KRT81: variants seen among roughly 807,000 people sequenced by gnomAD.
KRT81 encodes the protein keratin, type II cuticular Hb1.
KRT81 carries 35 observed loss-of-function variants against 35.8 expected under a neutral mutation model. The ratio of observed to expected loss-of-function variants is 0.98; its 90% CI spans 0.75 to 1.30. The LOEUF is 1.30. Ranked by LOEUF, KRT81 falls within the 50% of genes most tolerant of loss-of-function variation. The probability of loss-of-function intolerance (pLI) is 0.00; values close to 1 mark genes in which losing one functional copy is unlikely to be tolerated. For missense variants in KRT81, 531 were observed against 577.4 expected (o/e 0.92, Z 0.82); for synonymous variants, 249 against 251.2 (o/e 0.99, Z 0.08).
intron 3 of KRT81, among the ~76,000 whole-genome samples, chr12:52,288,925 G>T (rs1193883367): frequency 2.2e-4 from 33 of 147,732 alleles, no homozygotes; most frequent in Middle Eastern, 6.9e-3. Context: ...ATCTGCTATG[G>T]CTCCAGGGGC....
At position 52,288,357 on chromosome 12, in the gene KRT81, G is replaced by A. The variant is rs12812669; in HGVS notation, c.735+4C>T. 417,566 of 1,613,508 alleles carry A rather than the reference G, an allele frequency of 0.26. 56,189 individuals carry two copies. The highest frequency in any genetic ancestry group is 0.28 in the South Asian group (25,417 of 91,048). ...AGGTTTCTGTCTGGCCCCTGAGCCC[G>A]CACCTCCTCATACAGCCGCCTCAGG... On this transcript the variant is annotated splice_donor_region_variant and intron_variant, in intron 4 of 8. Coordinates refer to ENST00000327741, the MANE Select transcript of KRT81 (RefSeq NM_002281.4).
rs1359628088 is a variant in KRT81 at position 52,291,202 on chromosome 12, G to C, written c.264C>G (p.Leu88=). 1.6e-5 allele frequency: 22 copies of C among 1,395,126 alleles called. No individual in the cohort carries two copies. Among genetic ancestry groups the C allele is most frequent in the Non-Finnish European group, 2.0e-5 (21 of 1,034,074 alleles). 86.4% of individuals were successfully genotyped at this position (1,395,126 alleles called of 1,614,324 possible). The stretch of plus-strand genomic sequence containing the variant: ...GGTCGATCTCCAGGTTGAGGGGCGT[G>C]AGGAGGCTCTCGTTGACCGACACGG... ...ITTVSVNESL[L]TPLNLEIDPN... is the part of the protein sequence containing the mutation. Residue 88 remains leucine, a synonymous_variant, in exon 1 of 9, where the codon CTC becomes CTG. Transcript: ENST00000327741.
Position 52,285,926 on chromosome 12 carries a change from T to C in KRT81, c.*329A>G. The C allele has an allele frequency of 2.5e-6, 1 of 397,044 alleles. No homozygotes were observed. Among genetic ancestry groups the C allele is most frequent in the Non-Finnish European group, 4.7e-6 (1 of 211,056 alleles). 24.6% of individuals were successfully genotyped at this position (397,044 alleles called of 1,614,324 possible). ...ACAAGACCCAGGTTGGCTACATTAA[T>C]TTATTGAAACACAGATCAAGAGCAG... On this transcript the variant is annotated 3_prime_UTR_variant, in exon 9 of 9. Coordinates refer to ENST00000327741, the MANE Select transcript of KRT81 (RefSeq NM_002281.4).
chr12:52,288,331 C>A, intron 4 of KRT81, 30 bp downstream of exon 4: 1 of 1,613,458 alleles, frequency 6.2e-7, no homozygotes, highest in African/African-American at 1.3e-5. Context: ...TGCTGGCTGC[C>A]AGGTTTCTGT....
rs994145232 is a variant in KRT81, at chr12:52,288,233, G to A, written c.736-85C>T. 4.4e-6 allele frequency: 7 copies of A among 1,594,588 alleles called. No homozygotes were observed. The Admixed American group carries it at 8.5e-5, about 19-fold the overall frequency. ...ACTCCACCTCCTCAGGCTTTCTCTG[G>A]TCCCCAACCCTGCCCCCTCACACAG... On this transcript the variant is annotated intron_variant, in intron 4 of 8. Coordinates refer to ENST00000327741, the MANE Select transcript of KRT81 (RefSeq NM_002281.4).
chr12:52,287,705 G>A lies in KRT81; in HGVS notation c.917C>T (p.Ala306Val), dbSNP rs371943135. 2.5e-6 allele frequency: 4 copies of A among 1,613,894 alleles called. No homozygotes were observed. The African/African-American group carries it at 5.3e-5, about 22-fold the overall frequency. Residue 306 changes from alanine (A) to valine (V), a missense_variant, in exon 6 of 9, where the codon GCC becomes GTC. Ala to Val is a moderately conservative substitution (Grantham distance 64). This residue lies in a region of KRT81 where 194 missense variants were observed against 198.2 expected (regional missense o/e 0.98). Coordinates refer to ENST00000327741, the MANE Select transcript of KRT81 (RefSeq NM_002281.4). Reference protein sequence around the residue: ...WYRSKCEEMKATVIRHGETLR... With the variant: ...WYRSKCEEMKVTVIRHGETLR... ...GGTCTCCCCGTGCCTGATCACCGTG[G>A]CCTTCATCTCCTCACACTGGGGGAA...
At chr12:52,286,538 T>C in intron 8 of KRT81, 45 bp from the exon 9 acceptor site, 1 of 1,533,596 alleles carries the variant, frequency 6.5e-7, no homozygotes, top group Non-Finnish European at 8.8e-7. Context: ...GGGCAAGCCA[T>C]CCTGCCTTCC....
chr12:52,287,647 C>A lies in KRT81; in HGVS notation c.975G>T (p.Leu325=), dbSNP rs1396403203. 6.2e-7 allele frequency: 1 copy of A among 1,613,832 alleles called. No individual in the cohort carries two copies. Among genetic ancestry groups the A allele is most frequent in the Non-Finnish European group, 8.5e-7 (1 of 1,179,870 alleles). The part of the protein sequence containing the change: ...LRRTKEEINE[L]NRMIQRLTAE... ...CCGTCAGCCTTTGGATCATGCGGTT[C>A]AGCTCATTGATCTCCTCCTTGGTGC... Residue 325 remains leucine (L), a synonymous_variant, in exon 6 of 9, where the codon CTG becomes CTT. Coordinates refer to ENST00000327741, the MANE Select transcript of KRT81 (RefSeq NM_002281.4).
chr12:52,291,138 T>C lies in KRT81; in HGVS notation c.328A>G (p.Ile110Val), dbSNP rs1488791531. The C allele has an allele frequency of 1.6e-5, 16 of 996,646 alleles. No homozygotes were observed. The highest frequency in any genetic ancestry group is 2.2e-5 in the Non-Finnish European group (16 of 711,120). The allele number at this position is 996,646 out of a possible 1,614,324, so 61.7% of individuals were successfully genotyped here. Residue 110 changes from isoleucine (I) to valine (V), a missense_variant, in exon 1 of 9, where the codon ATC (isoleucine) becomes GTC (valine). This residue lies in a region of KRT81 where 194 missense variants were observed against 198.2 expected (regional missense o/e 0.98). Coordinates refer to ENST00000327741, the MANE Select transcript of KRT81 (RefSeq NM_002281.4). ...GCGAACCTGCTGTTGAGGGACTTGA[T>C]CTGCTCCTTCTCCTCCTGCTTCACG... Reference protein sequence around the residue: ...QCVKQEEKEQIKSLNSRFAAF... With the variant: ...QCVKQEEKEQVKSLNSRFAAF...
At position 52,286,380 on chromosome 12, in the gene KRT81, T is replaced by G. The variant is rs1937933800; in HGVS notation, c.1393A>C (p.Thr465Pro). 1 of 1,555,180 alleles carries G rather than the reference T, an allele frequency of 6.4e-7. No individual in the cohort carries two copies. The highest frequency in any genetic ancestry group is 8.7e-7 in the Non-Finnish European group (1 of 1,149,132). ...APCNGNVAVS[T>P]GLCAPCGQLN... ...TGGCCGCAGGGCGCACACAGGCCGG[T>G]GCTCACCGCCACGTTCCCGTTGCAC... Residue 465 changes from threonine to proline, a missense_variant, in exon 9 of 9, where the codon ACC (threonine) becomes CCC (proline). This residue lies in a region of KRT81 where 150 missense variants were observed against 145.4 expected (regional missense o/e 1.03). Transcript: ENST00000327741.
intron 7 of KRT81, 23 bp from the exon 8 acceptor site, chr12:52,286,845 C>G (rs1937957974): frequency 6.2e-7 from 1 of 1,613,452 alleles, no homozygotes; most frequent in African/African-American, 1.3e-5. Context: ...GAGAAAAAGG[C>G]AACATTAGTG....
intron 8 of KRT81, 40 bp from the exon 9 acceptor site, chr12:52,286,533 A>G (rs752169758): frequency 1.1e-5 from 17 of 1,541,506 alleles, no homozygotes; most frequent in Non-Finnish European, 1.5e-5. Flanking sequence ...CTGAAGGGCA[A>G]GCCATCCTGC....
chr12:52,286,325 C>T lies in KRT81; in HGVS notation c.1448G>A (p.Cys483Tyr), dbSNP rs1937929763. 2 of 1,554,624 alleles carry T rather than the reference C, an allele frequency of 1.3e-6. No homozygotes were observed. Among genetic ancestry groups the T allele is most frequent in the Admixed American group, 1.9e-5 (1 of 51,304 alleles). Residue 483 changes from cysteine (C) to tyrosine (Y), a missense_variant, in exon 9 of 9, where the codon TGC (cysteine) becomes TAC (tyrosine). Around this residue, in one of 5 missense-constraint regions of KRT81, gnomAD observed 150 missense variants for 145.4 expected, o/e 1.03. Transcript: ENST00000327741. ...GCTGATACCACAGGAGCCCACGCCGCAGGAACCCCCTCCGCAGGTGGTGTT... is the reference window on the plus strand; with the variant it reads ...GCTGATACCACAGGAGCCCACGCCGTAGGAACCCCCTCCGCAGGTGGTGTT... ...QLNTTCGGGS[C>Y]GVGSCGISSL...
intron 6 of KRT81, 133 bp downstream of exon 6, chr12:52,287,463 G>A: frequency 6.3e-7 from 1 of 1,581,724 alleles, no homozygotes; most frequent in East Asian, 2.3e-5. Context: ...CTCATTGAGA[G>A]ACCACGACCA....
At chr12:52,287,785 A>G in intron 5 of KRT81, 64 bp from the exon 6 acceptor site, 3 of 1,613,816 alleles carry the variant, frequency 1.9e-6, no homozygotes, top group Non-Finnish European at 1.7e-6. Context: ...AGGACACCAC[A>G]GATGATTTTG....
At chr12:52,288,662 C>T (rs1000437601) in intron 3 of KRT81, among the ~76,000 whole-genome samples, 7 of 152,244 alleles carry the variant, frequency 4.6e-5, no homozygotes, top group Admixed American at 1.3e-4. Flanking sequence ...GACCATGCCT[C>T]ACCAGCCTTT....
intron 6 of KRT81, 88 bp from the exon 7 acceptor site, chr12:52,287,410 G>A: frequency 1.9e-6 from 3 of 1,580,532 alleles, no homozygotes; most frequent in Non-Finnish European, 2.6e-6. Flanking sequence ...CCACCAAGCT[G>A]GGAGCACCCC....
Position 52,287,627 on chromosome 12 carries a change from A to C in KRT81, c.995T>G (p.Leu332Arg). Reference protein sequence around the residue: ...INELNRMIQRLTAEVENAKCQ... With the variant: ...INELNRMIQRRTAEVENAKCQ... ...CTTGGCATTCTCCACCTCGGCCGTC[A>C]GCCTTTGGATCATGCGGTTCAGCTC... is the stretch of plus-strand genomic sequence containing the variant. Residue 332 changes from leucine (L) to arginine (R), a missense_variant, in exon 6 of 9, where the codon CTG becomes CGG. Leu to Arg is a moderately radical substitution (Grantham distance 102). Around this residue, in one of 5 missense-constraint regions of KRT81, gnomAD observed 194 missense variants for 198.2 expected, o/e 0.98. Coordinates refer to ENST00000327741, the MANE Select transcript of KRT81 (RefSeq NM_002281.4). 6.2e-7 allele frequency: 1 copy of C among 1,613,956 alleles called. No homozygotes were observed. The highest frequency in any genetic ancestry group is 8.5e-7 in the Non-Finnish European group (1 of 1,179,858).
In KRT81 at chr12:52,286,988, GAAT is replaced by G. The variant is rs939356400; in HGVS notation, c.1247+111_1247+113del. On this transcript the variant is annotated intron_variant, in intron 7 of 8. Transcript: ENST00000327741. ...CACCAGCCCTCCCCACACCGGAAGT[GAAT>G]AATAATATTTTTTTCCCCCAGAGCC... is the stretch of plus-strand genomic sequence containing the variant. 2.6e-5 allele frequency: 42 copies of G among 1,586,732 alleles called. No homozygotes were observed. The African/African-American group carries it at 5.0e-4, about 19-fold the overall frequency.
Sources: gnomAD v4.1 joint callset for allele counts (sites outside exome capture counted in the v4.1 genomes callset) on GRCh38, gnomAD v4.1.1 for gene constraint, gnomAD v4.1.1 regional missense constraint, MANE v1.5 for transcripts, NCBI Gene and HGNC (gene_info 2026-07-23, HGNC 2026-07-21) for gene names.